The following ATRNL1 variants were observed in gnomAD, a reference collection of about 807,000 sequenced individuals.
The protein encoded by ATRNL1 is attractin-like protein 1.
In ATRNL1, 95 loss-of-function variants were observed where a neutral mutation model predicts 182.7. That is an observed-to-expected ratio of 0.52 (90% CI 0.44 to 0.62). The LOEUF (loss-of-function observed/expected upper bound fraction) is 0.62. Among genes scored for constraint, ATRNL1 ranks in the 20% least tolerant of loss-of-function variants. The pLI is 0.00. For missense variants in ATRNL1, 1,471 were observed against 1,679.5 expected, an observed-to-expected ratio of 0.88 and a Z score of 2.17; for synonymous variants, 576 against 568.3, an observed-to-expected ratio of 1.01 and a Z score of -0.19.
chr10:115,886,937 T>C (rs1330749044), intron 28 of ATRNL1, among the ~76,000 whole-genome samples: 1 of 152,236 alleles, frequency 6.6e-6, no homozygotes, highest in East Asian at 1.9e-4. Flanking sequence ...GTACAGACTG[T>C]TCAAGTTACT....
At chr10:115,451,347 A>G (rs186589194) in intron 21 of ATRNL1, among the ~76,000 whole-genome samples, 6 of 152,332 alleles carry the variant, frequency 3.9e-5, no homozygotes, top group Middle Eastern at 3.4e-3. Flanking sequence ...AATGGGAGAA[A>G]ATATTTGCAA....
At chr10:115,456,360 C>A (rs1286530924) in intron 21 of ATRNL1, among the ~76,000 whole-genome samples, 1 of 152,126 alleles carries the variant, frequency 6.6e-6, no homozygotes, top group Admixed American at 6.6e-5. Flanking sequence ...TGGAAACCAT[C>A]ATTCTTAGCA....
At chr10:115,383,967 A>G (rs1446079013) in intron 19 of ATRNL1, among the ~76,000 whole-genome samples, 1 of 152,028 alleles carries the variant, frequency 6.6e-6, no homozygotes, top group Non-Finnish European at 1.5e-5. Flanking sequence ...AGAAGCAAGG[A>G]AAATATCAAA....
intron 24 of ATRNL1, among the ~76,000 whole-genome samples, chr10:115,488,334 G>A (rs565971044): frequency 9.2e-5 from 14 of 152,278 alleles, no homozygotes; most frequent in East Asian, 3.9e-4. Context: ...GAATTCGGCT[G>A]TGAATCCATC....
intron 17 of ATRNL1, among the ~76,000 whole-genome samples, chr10:115,310,042 T>A (rs1056367368): frequency 3.0e-4 from 45 of 152,200 alleles, no homozygotes; most frequent in African/African-American, 1.1e-3. Flanking sequence ...CCTAGTTTGT[T>A]GAGGGTTTTT....
chr10:115,138,605 G>A (rs1360920636), intron 5 of ATRNL1, among the ~76,000 whole-genome samples: 1 of 152,210 alleles, frequency 6.6e-6, no homozygotes, highest in Non-Finnish European at 1.5e-5. Context: ...TTTAGCCATG[G>A]CTGGAGTGGC....
chr10:115,632,167 G>T (rs1858553773), intron 26 of ATRNL1, among the ~76,000 whole-genome samples: 1 of 152,152 alleles, frequency 6.6e-6, no homozygotes. Context: ...GATCCCAGCA[G>T]TAAGTTATTT....
At chr10:115,588,934 G>C (rs564759305) in intron 26 of ATRNL1, among the ~76,000 whole-genome samples, 1 of 152,128 alleles carries the variant, frequency 6.6e-6, no homozygotes, top group African/African-American at 2.4e-5. Flanking sequence ...TGCAGTTTTT[G>C]CATTTTCCAT....
intron 26 of ATRNL1, among the ~76,000 whole-genome samples, chr10:115,705,078 C>T (rs1946855401): frequency 1.3e-5 from 2 of 151,832 alleles, no homozygotes; most frequent in Non-Finnish European, 2.9e-5. Context: ...GTACTGAAGA[C>T]AGAGAATCTC....
intron 5 of ATRNL1, among the ~76,000 whole-genome samples, chr10:115,139,429 CATGGTTGTGGAGGCCT>C (rs1845665066): frequency 6.6e-6 from 1 of 152,230 alleles, no homozygotes; most frequent in Non-Finnish European, 1.5e-5. Flanking sequence ...TACAGTTCCA[CATGGTTGTGGAGGCCT>C]CACAATCATG....
rs71010046 is a variant in ATRNL1 at position 115,738,154 on chromosome 10, T to TTTTTTTC, written c.3903+10801_3903+10802insTTTTCTT. On this transcript the variant is annotated intron_variant, in intron 27 of 28. Coordinates refer to ENST00000355044, the MANE Select transcript of ATRNL1 (RefSeq NM_207303.4). ...TTTTTTTTTTTTTTTTTTTTTTTTT[T>TTTTTTTC]TTGAGATGGAGTCCTGCTCTGTCGC... Among the ~76,000 whole-genome samples the TTTTTTTC allele has an allele frequency of 7.5e-4, 48 of 63,884 alleles. 1 individual carries two copies. The highest frequency in any genetic ancestry group is 1.6e-3 in the Admixed American group (6 of 3,694). The allele number at this position is 63,884 out of a possible 152,430, so 41.9% of individuals were successfully genotyped here. A position where few individuals can be genotyped will look rare whatever the true frequency, so the allele number is the denominator to read the frequency against.
chr10:115,407,713 A>C (rs1369402281), intron 20 of ATRNL1, among the ~76,000 whole-genome samples: 1 of 152,192 alleles, frequency 6.6e-6, no homozygotes, highest in Non-Finnish European at 1.5e-5. Flanking sequence ...TGCCTTTGAC[A>C]TACTAATTTA....
chr10:115,254,098 G>GTAGCA (rs1851007547), intron 10 of ATRNL1, among the ~76,000 whole-genome samples: 2 of 152,172 alleles, frequency 1.3e-5, no homozygotes, highest in African/African-American at 2.4e-5. Context: ...GTAAACATAT[G>GTAGCA]TGTGCATGTG....
At chr10:115,926,525 A>C (rs1953239029) in intron 28 of ATRNL1, among the ~76,000 whole-genome samples, 1 of 152,164 alleles carries the variant, frequency 6.6e-6, no homozygotes, top group Non-Finnish European at 1.5e-5. Flanking sequence ...TAAACCAATA[A>C]ACAAGAAAAG....
intron 27 of ATRNL1, chr10:115,820,558 A>G (rs1278924814): frequency 6.6e-6 from 1 of 152,124 alleles, no homozygotes; most frequent in Non-Finnish European, 1.5e-5. Flanking sequence ...TTTCCTAATG[A>G]AGGCAGGTCG....
At position 115,948,446 on chromosome 10, in the gene ATRNL1, C is replaced by T. The variant is rs1589729120; in HGVS notation, c.*3667C>T. The T allele has an allele frequency of 6.6e-6, 1 of 152,160 alleles. No individual in the cohort carries two copies. The highest frequency in any genetic ancestry group is 1.9e-4 in the East Asian group (1 of 5,188). 9.4% of individuals were successfully genotyped at this position (152,160 alleles called of 1,614,324 possible). A position where few individuals can be genotyped will look rare whatever the true frequency, so the allele number is the denominator to read the frequency against. On this transcript the variant is annotated 3_prime_UTR_variant, in exon 29 of 29. Coordinates refer to ENST00000355044, the MANE Select transcript of ATRNL1 (RefSeq NM_207303.4). ...TTTTTAAATGTCGAGTTTCAAAACC[C>T]ATTTGCCGTATACTAGAGTGAGCTT...
intron 20 of ATRNL1, among the ~76,000 whole-genome samples, chr10:115,409,428 G>C (rs1182104631): frequency 6.6e-6 from 1 of 152,112 alleles, no homozygotes; most frequent in Non-Finnish European, 1.5e-5. Flanking sequence ...TACAAGTTTA[G>C]TGAATTCATT....
intron 5 of ATRNL1, among the ~76,000 whole-genome samples, chr10:115,152,782 T>G (rs1846302194): frequency 6.6e-6 from 1 of 152,182 alleles, no homozygotes; most frequent in Admixed American, 6.5e-5. Flanking sequence ...AGGGCATCCC[T>G]GTCTTGTGCC....
intron 27 of ATRNL1, among the ~76,000 whole-genome samples, chr10:115,826,180 G>A (rs1178362492): frequency 2.1e-5 from 3 of 145,584 alleles, no homozygotes; most frequent in Non-Finnish European, 4.5e-5. Flanking sequence ...TTTTGGAAAT[G>A]GATCAAACAA....
Sources: gnomAD v4.1 joint callset for allele counts (sites outside exome capture counted in the v4.1 genomes callset) on GRCh38, gnomAD v4.1.1 for gene constraint, MANE v1.5 for transcripts, NCBI Gene and HGNC (gene_info 2026-07-23, HGNC 2026-07-21) for gene names.